Variants in DLC1 observed in about 807,000 individuals in gnomAD.
The protein encoded by DLC1 is DLC1 Rho GTPase activating protein, also known as rho GTPase-activating protein 7.
DLC1 carries 54 observed loss-of-function variants against 140.3 expected under a neutral mutation model. That is an observed-to-expected ratio of 0.38 (90% confidence interval 0.31 to 0.48). The LOEUF (loss-of-function observed/expected upper bound fraction) is 0.48, where lower values mean the gene tolerates loss of function less well. Ranked by LOEUF, DLC1 falls within the 20% of genes least tolerant of loss-of-function variation. The pLI, the probability that DLC1 is intolerant of heterozygous loss-of-function variation, is 0.96. For synonymous variants in DLC1, 986 were observed against 728.1 expected (o/e 1.35, Z -5.70); for missense variants, 2,536 against 1,907.0 (o/e 1.33, Z -6.14).
intron 3 of DLC1, 126 bp downstream of exon 3, chr8:13,401,344 T>C: frequency 8.3e-7 from 1 of 1,201,980 alleles, no homozygotes; most frequent in Non-Finnish European, 1.1e-6. Context: ...GTTATCTTTA[T>C]GGTACTGTAC....
chr8:13,310,481 A>C (rs1228942983), intron 4 of DLC1, among the ~76,000 whole-genome samples: 1 of 152,212 alleles, frequency 6.6e-6, no homozygotes, highest in African/African-American at 2.4e-5. Context: ...AATATCCTTC[A>C]GTGATGGAAC....
At chr8:13,406,658 C>T (rs1170042191) in intron 2 of DLC1, among the ~76,000 whole-genome samples, 1 of 152,118 alleles carries the variant, frequency 6.6e-6, no homozygotes, top group East Asian at 1.9e-4. Context: ...TATGTTTACT[C>T]TTCTCTGGAT....
intron 2 of DLC1, among the ~76,000 whole-genome samples, chr8:13,476,815 A>G (rs184788618): frequency 5.9e-5 from 9 of 152,356 alleles, no homozygotes; most frequent in Non-Finnish European, 8.8e-5. Flanking sequence ...ACACATGTAC[A>G]TATTTATGCA....
intron 7 of DLC1, 45 bp from the exon 8 acceptor site, chr8:13,102,898 T>G: frequency 6.6e-7 from 1 of 1,508,744 alleles, no homozygotes; most frequent in Non-Finnish European, 9.2e-7. Context: ...GCAACCACTC[T>G]CTAATGAGTG....
At position 13,552,480 on chromosome 8, in the gene DLC1, C is replaced by A. The variant is rs555681375; in HGVS notation, c.-126+52057G>T. On this transcript the variant is annotated intron_variant, in intron 1 of 1. Transcript: ENST00000631382. The stretch of plus-strand genomic sequence containing the variant: ...TATATACAATAAAAAACTAGAAATT[C>A]TATCATTCCCAACTATTTAATCTTA... 3.3e-5 allele frequency among the ~76,000 whole-genome samples: 5 copies of A among 150,940 alleles called. No homozygotes were observed. In the East Asian group the frequency reaches 9.8e-4, roughly 30 times the overall value.
At chr8:13,149,489 C>G (rs1436726951) in intron 5 of DLC1, among the ~76,000 whole-genome samples, 1 of 152,154 alleles carries the variant, frequency 6.6e-6, no homozygotes, top group East Asian at 1.9e-4. Flanking sequence ...TGCTAATTGT[C>G]AGGTCATAAA....
chr8:13,204,506 A>G (rs1189524475), intron 5 of DLC1, among the ~76,000 whole-genome samples: 1 of 152,158 alleles, frequency 6.6e-6, no homozygotes, highest in Non-Finnish European at 1.5e-5. Context: ...ATCTAAAAAT[A>G]ATAATAATTA....
intron 5 of DLC1, among the ~76,000 whole-genome samples, chr8:13,229,665 GAA>G (rs1491198262): frequency 2.0e-5 from 3 of 150,828 alleles, no homozygotes; most frequent in East Asian, 1.9e-4. Context: ...GAGAGAGAGA[GAA>G]GAGAGAGAGA....
At chr8:13,503,228 A>G (rs1182489142) in intron 1 of DLC1, among the ~76,000 whole-genome samples, 3 of 152,036 alleles carry the variant, frequency 2.0e-5, no homozygotes, top group African/African-American at 7.2e-5. Context: ...ACATAGAGAG[A>G]TGATGTTTCT....
intron 5 of DLC1, among the ~76,000 whole-genome samples, chr8:13,285,234 T>C (rs1586070693): frequency 6.6e-6 from 1 of 152,170 alleles, no homozygotes; most frequent in Non-Finnish European, 1.5e-5. Flanking sequence ...CCATACTATA[T>C]GGTCAGTTGA....
intron 1 of DLC1, among the ~76,000 whole-genome samples, chr8:13,508,646 C>G (rs1269102682): frequency 6.6e-6 from 1 of 152,122 alleles, no homozygotes; most frequent in African/African-American, 2.4e-5. Context: ...TCTTGATCTC[C>G]TGACCTCGTG....
chr8:13,356,278 C>A (rs1834940161), intron 4 of DLC1, among the ~76,000 whole-genome samples: 2 of 151,930 alleles, frequency 1.3e-5, no homozygotes. Flanking sequence ...GACTTTTAGA[C>A]CTGGTCATGA....
chr8:13,414,461 G>A (rs1837954319), intron 2 of DLC1, among the ~76,000 whole-genome samples: 2 of 152,146 alleles, frequency 1.3e-5, no homozygotes, highest in South Asian at 4.1e-4. Context: ...TTTAATGTGT[G>A]ATCTGTTCTT....
chr8:13,356,584 A>G (rs574584839), intron 4 of DLC1, among the ~76,000 whole-genome samples: 2 of 152,302 alleles, frequency 1.3e-5, no homozygotes, highest in African/African-American at 4.8e-5. Context: ...TTTCCAAATG[A>G]TTGCATAATA....
chr8:13,096,500 T>A (rs1009009843), intron 10 of DLC1, among the ~76,000 whole-genome samples: 6 of 152,052 alleles, frequency 3.9e-5, no homozygotes, highest in Non-Finnish European at 7.4e-5. Flanking sequence ...TGTGGTATCA[T>A]GGCTATAAGT....
At chr8:13,274,649 T>C (rs992848496) in intron 5 of DLC1, among the ~76,000 whole-genome samples, 4 of 152,212 alleles carry the variant, frequency 2.6e-5, no homozygotes, top group African/African-American at 9.7e-5. Context: ...GGGATAACAT[T>C]CTTATTCTTA....
chr8:13,350,145 G>C (rs968209920), intron 4 of DLC1, among the ~76,000 whole-genome samples: 4 of 152,168 alleles, frequency 2.6e-5, no homozygotes, highest in East Asian at 1.9e-4. Flanking sequence ...GAAGTGCTTA[G>C]AGGACAAAAA....
intron 2 of DLC1, among the ~76,000 whole-genome samples, chr8:13,489,450 A>ACACAC (rs1554530251): frequency 1.6e-4 from 14 of 89,516 alleles, no homozygotes; most frequent in African/African-American, 5.2e-4. Context: ...CACACACACA[A>ACACAC]AATGTTGCTA....
intron 1 of DLC1, among the ~76,000 whole-genome samples, chr8:13,574,555 A>C (rs2117423062): frequency 6.6e-6 from 1 of 152,260 alleles, no homozygotes; most frequent in East Asian, 1.9e-4. Context: ...CACAACACTA[A>C]AAATGTGTCT....
Sources: gnomAD v4.1 joint callset for allele counts (sites outside exome capture counted in the v4.1 genomes callset) on GRCh38, gnomAD v4.1.1 for gene constraint, MANE v1.5 for transcripts, NCBI Gene and HGNC (gene_info 2026-07-23, HGNC 2026-07-21) for gene names.